BMPR2: variants seen among roughly 807,000 people sequenced by gnomAD.
BMPR2 encodes bone morphogenetic protein receptor type-2.
A neutral mutation model predicts 100.8 loss-of-function variants in BMPR2; 29 were observed. That is an observed-to-expected ratio of 0.29 (90% CI 0.21 to 0.39). The LOEUF (loss-of-function observed/expected upper bound fraction) is 0.39. Among genes scored for constraint, BMPR2 ranks in the 10% least tolerant of loss-of-function variants. The probability of loss-of-function intolerance (pLI) is 1.00; values close to 1 mark genes in which losing one functional copy is unlikely to be tolerated. For synonymous variants in BMPR2, 382 were observed against 442.3 expected, an observed-to-expected ratio of 0.86 and a Z score of 1.71; for missense variants, 1,011 against 1,274.5, an observed-to-expected ratio of 0.79 and a Z score of 3.15.
chr2:202,499,370 A>G (rs1687313202), intron 3 of BMPR2, among the ~76,000 whole-genome samples: 1 of 152,222 alleles, frequency 6.6e-6, no homozygotes, highest in Admixed American at 6.5e-5. Flanking sequence ...AAATGATAGA[A>G]TGACAGCTGA....
At chr2:202,456,058 C>T (rs1218210925) in intron 1 of BMPR2, among the ~76,000 whole-genome samples, 19 of 74,014 alleles carry the variant, frequency 2.6e-4, no homozygotes, top group East Asian at 4.2e-4. Context: ...GGGTGAGACC[C>T]GTCTCAAAAA....
chr2:202,457,686 T>TGA (rs921459847), intron 1 of BMPR2, among the ~76,000 whole-genome samples: 5 of 152,070 alleles, frequency 3.3e-5, no homozygotes, highest in African/African-American at 1.2e-4. Flanking sequence ...TATAGTAGAA[T>TGA]GAGACACTTC....
At chr2:202,547,251 A>G (rs1031673600) in intron 10 of BMPR2, among the ~76,000 whole-genome samples, 1 of 152,036 alleles carries the variant, frequency 6.6e-6, no homozygotes, top group Non-Finnish European at 1.5e-5. Context: ...TTTGTCACCC[A>G]TACTATAGTG....
At chr2:202,443,132 C>T (rs879370751) in intron 1 of BMPR2, among the ~76,000 whole-genome samples, 1 of 150,544 alleles carries the variant, frequency 6.6e-6, no homozygotes, top group Non-Finnish European at 1.5e-5. Context: ...CATCTGTAAG[C>T]CACGAAGAGA....
At chr2:202,504,190 C>G (rs549376123) in intron 3 of BMPR2, among the ~76,000 whole-genome samples, 1 of 151,696 alleles carries the variant, frequency 6.6e-6, no homozygotes, top group East Asian at 1.9e-4. Flanking sequence ...GCGGGCTGCC[C>G]GAGCTAGCAG....
chr2:202,440,766 TG>T (rs1691721595), intron 1 of BMPR2, among the ~76,000 whole-genome samples: 1 of 150,066 alleles, frequency 6.7e-6, no homozygotes, highest in Non-Finnish European at 1.5e-5. Context: ...AGCCTTGGCT[TG>T]GCATCAGAGG....
At chr2:202,462,381 C>T (rs1052266421) in intron 1 of BMPR2, among the ~76,000 whole-genome samples, 3 of 152,008 alleles carry the variant, frequency 2.0e-5, no homozygotes, top group Non-Finnish European at 2.9e-5. Flanking sequence ...CCTGCATGCC[C>T]AGCTAATTTT....
At chr2:202,517,874 G>A (rs1454603665) in intron 5 of BMPR2, among the ~76,000 whole-genome samples, 6 of 147,548 alleles carry the variant, frequency 4.1e-5, no homozygotes, top group African/African-American at 1.5e-4. Flanking sequence ...GTGCAGTGGC[G>A]CGACCTCGGC....
intron 1 of BMPR2, among the ~76,000 whole-genome samples, chr2:202,433,148 C>G (rs1225407466): frequency 3.3e-5 from 5 of 150,502 alleles, no homozygotes; most frequent in African/African-American, 1.3e-4. Context: ...GATCTAGAGG[C>G]AAGCATGCTC....
intron 1 of BMPR2, among the ~76,000 whole-genome samples, chr2:202,380,196 C>T (rs1241911635): frequency 7.3e-6 from 1 of 136,934 alleles, no homozygotes; most frequent in East Asian, 2.1e-4. Context: ...ATGCCCCCCC[C>T]AAAAAAAAAA....
At chr2:202,424,867 G>T (rs1228394480) in intron 1 of BMPR2, among the ~76,000 whole-genome samples, 1 of 152,092 alleles carries the variant, frequency 6.6e-6, no homozygotes, top group Non-Finnish European at 1.5e-5. Context: ...CCTAGTTTTG[G>T]ACTGAGAGCA....
At chr2:202,459,826 A>G (rs1392248913) in intron 1 of BMPR2, among the ~76,000 whole-genome samples, 1 of 152,258 alleles carries the variant, frequency 6.6e-6, no homozygotes, top group African/African-American at 2.4e-5. Context: ...GGGTAAACAG[A>G]CAACCTACAG....
chr2:202,381,104 A>AGCTGG (rs1269839830), intron 1 of BMPR2, among the ~76,000 whole-genome samples: 2 of 148,714 alleles, frequency 1.3e-5, no homozygotes, highest in Non-Finnish European at 3.0e-5. Flanking sequence ...CCTCCCAAGT[A>AGCTGG]GCTGGGACTA....
chr2:202,479,884 T>G (rs186055714), intron 3 of BMPR2, among the ~76,000 whole-genome samples: 55 of 152,242 alleles, frequency 3.6e-4, no homozygotes, highest in African/African-American at 1.3e-3. Context: ...TTCCTGTGCT[T>G]CTTAAACATT....
At chr2:202,407,401 G>A (rs1690922978) in intron 1 of BMPR2, among the ~76,000 whole-genome samples, 1 of 152,074 alleles carries the variant, frequency 6.6e-6, no homozygotes, top group South Asian at 2.1e-4. Context: ...TATTCTTCAT[G>A]CGTATATTTG....
At position 202,520,163 on chromosome 2, in the gene BMPR2, G is replaced by T. The variant is rs763429788; in HGVS notation, c.929G>T (p.Arg310Ile). ...SSCRLAHSVT[R>I]GLAYLHTELP... Reference sequence around the variant, plus strand: ...TGCCGTCTTGCTCATTCTGTTACTAGAGGACTGGCTTATCTTCACACAGAA... The same window carrying T: ...TGCCGTCTTGCTCATTCTGTTACTATAGGACTGGCTTATCTTCACACAGAA... Residue 310 changes from arginine to isoleucine, a missense_variant, in exon 7 of 13, where the codon AGA becomes ATA. Transcript: ENST00000374580. 1.2e-6 allele frequency: 2 copies of T among 1,613,278 alleles called. No individual in the cohort carries two copies. Among genetic ancestry groups the T allele is most frequent in the Admixed American group, 1.7e-5 (1 of 59,922 alleles).
chr2:202,384,739 A>G (rs1282669283), intron 1 of BMPR2, among the ~76,000 whole-genome samples: 2 of 151,776 alleles, frequency 1.3e-5, no homozygotes, highest in Admixed American at 6.6e-5. Flanking sequence ...GATTACAGGC[A>G]TGCACTACCA....
At chr2:202,527,445 C>T (rs1687937351) in intron 7 of BMPR2, among the ~76,000 whole-genome samples, 1 of 147,776 alleles carries the variant, frequency 6.8e-6, no homozygotes, top group African/African-American at 2.5e-5. Context: ...CTGAGATTGC[C>T]GCCACTGCAC....
chr2:202,476,080 T>TAA (rs56243938), intron 3 of BMPR2, among the ~76,000 whole-genome samples: 66 of 95,402 alleles, frequency 6.9e-4, no homozygotes, highest in South Asian at 1.1e-3. Context: ...GTCTCAAGGT[T>TAA]AAAAAAAAAA....
Sources: gnomAD v4.1 joint callset for allele counts (sites outside exome capture counted in the v4.1 genomes callset) on GRCh38, gnomAD v4.1.1 for gene constraint, MANE v1.5 for transcripts, NCBI Gene and HGNC (gene_info 2026-07-23, HGNC 2026-07-21) for gene names.